The following TBC1D5 variants were observed in gnomAD, a reference collection of about 807,000 sequenced individuals.
The protein encoded by TBC1D5 is TBC1 domain family, member 5.
TBC1D5 carries 75 observed loss-of-function variants against 100.3 expected under a neutral mutation model. The ratio of observed to expected loss-of-function variants is 0.75; its 90% CI spans 0.62 to 0.91. TBC1D5 has a LOEUF of 0.91. TBC1D5 is among the 40% of genes least tolerant of loss of function. The pLI, the probability that TBC1D5 is intolerant of heterozygous loss-of-function variation, is 0.00. For missense variants in TBC1D5, 910 were observed against 942.4 expected, an observed-to-expected ratio of 0.97 and a Z score of 0.45; for synonymous variants, 323 against 325.6, an observed-to-expected ratio of 0.99 and a Z score of 0.09.
At chr3:17,316,620 C>T (rs2084733728) in intron 13 of TBC1D5, among the ~76,000 whole-genome samples, 1 of 152,174 alleles carries the variant, frequency 6.6e-6, no homozygotes, top group African/African-American at 2.4e-5. Flanking sequence ...AAGTATCGTT[C>T]TTGCATTTTA....
At chr3:17,591,257 A>AAAAAAAAAAC (rs1477524607) in intron 2 of TBC1D5, among the ~76,000 whole-genome samples, 1 of 121,422 alleles carries the variant, frequency 8.2e-6, no homozygotes, top group Non-Finnish European at 1.8e-5. Context: ...AAAAAAAAAA[A>AAAAAAAAAAC]AAAAAAAAAC....
chr3:17,691,958 G>A (rs546905722), intron 1 of TBC1D5, among the ~76,000 whole-genome samples: 35 of 148,960 alleles, frequency 2.3e-4, no homozygotes, highest in Non-Finnish European at 3.9e-4. Context: ...CACAACAAAA[G>A]AGAGCCATCA....
chr3:17,218,267 C>G (rs959525778), intron 17 of TBC1D5, among the ~76,000 whole-genome samples: 4 of 151,844 alleles, frequency 2.6e-5, no homozygotes, highest in Non-Finnish European at 5.9e-5. Context: ...CATGTGAGTT[C>G]TCCAGCTTTG....
At chr3:17,281,211 G>A (rs2080555758) in intron 15 of TBC1D5, among the ~76,000 whole-genome samples, 1 of 152,216 alleles carries the variant, frequency 6.6e-6, no homozygotes, top group Non-Finnish European at 1.5e-5. Flanking sequence ...GTTCCACGAT[G>A]CTACTGATAC....
chr3:17,412,611 A>T lies in TBC1D5; in HGVS notation c.168-6085T>A, dbSNP rs1423791989. Among the ~76,000 whole-genome samples the T allele has an allele frequency of 2.0e-5, 3 of 152,190 alleles. No individual in the cohort carries two copies. In the East Asian group the frequency reaches 5.8e-4, roughly 29 times the overall value. Reference sequence around the variant, plus strand: ...GTTGCTAAACTTATTCTTACATAAAAAAATATACTTACAATGTGCCTGAAA... The same window carrying T: ...GTTGCTAAACTTATTCTTACATAAATAAATATACTTACAATGTGCCTGAAA... On this transcript the variant is annotated intron_variant, in intron 4 of 21. Coordinates refer to ENST00000253692, the Ensembl canonical transcript of TBC1D5.
chr3:17,667,917 TTAA>T (rs1245701578), intron 1 of TBC1D5, among the ~76,000 whole-genome samples: 2 of 151,806 alleles, frequency 1.3e-5, no homozygotes, highest in Non-Finnish European at 1.5e-5. Flanking sequence ...CCAGGAATAT[TTAA>T]TTTGTATTTT....
At position 17,307,985 on chromosome 3, in the gene TBC1D5, T is replaced by C; in HGVS notation, c.1138+7A>G. ...AGTCAAATGTAGGAAAGGTCATTAA[T>C]ACTTACAAGCATCTCGGATGTAAAG... On this transcript the variant is annotated splice_region_variant and intron_variant, in intron 14 of 21. Transcript: ENST00000253692. 1 of 1,600,526 alleles carries C rather than the reference T, an allele frequency of 6.2e-7. No individual in the cohort carries two copies.
At chr3:17,271,702 T>G (rs2079442240) in intron 15 of TBC1D5, among the ~76,000 whole-genome samples, 1 of 152,166 alleles carries the variant, frequency 6.6e-6, no homozygotes, top group Admixed American at 6.6e-5. Context: ...GGGGAATGCT[T>G]CTAGCTTTTG....
intron 1 of TBC1D5, among the ~76,000 whole-genome samples, chr3:17,666,664 T>C (rs1172734383): frequency 6.6e-6 from 1 of 152,172 alleles, no homozygotes; most frequent in African/African-American, 2.4e-5. Flanking sequence ...GGAAGAATTG[T>C]TGCTCCATAA....
chr3:17,408,197 A>G (rs1423444856), intron 4 of TBC1D5, among the ~76,000 whole-genome samples: 5 of 151,686 alleles, frequency 3.3e-5, no homozygotes, highest in Admixed American at 1.3e-4. Flanking sequence ...AAAATGGAGT[A>G]ATAACAATCT....
chr3:17,226,416 C>T (rs1010447854), intron 17 of TBC1D5, among the ~76,000 whole-genome samples: 1 of 151,712 alleles, frequency 6.6e-6, no homozygotes, highest in Non-Finnish European at 1.5e-5. Context: ...TGCTGTAGGG[C>T]CCTGCCCAAT....
chr3:17,308,396 A>G lies in TBC1D5; in HGVS notation c.996-262T>C, dbSNP rs576711526. Among the ~76,000 whole-genome samples the G allele has an allele frequency of 2.0e-5, 3 of 152,284 alleles. No individual in the cohort carries two copies. In the South Asian group the frequency reaches 6.2e-4, roughly 32 times the overall value. The stretch of plus-strand genomic sequence containing the variant: ...AAAGTCAAAATCTTTCATATTTAAT[A>G]GAAATCACAAATTCCCAAAAGGTGA... On this transcript the variant is annotated intron_variant, in intron 13 of 21. Transcript: ENST00000253692.
chr3:17,336,530 G>A (rs2087832710), intron 13 of TBC1D5, among the ~76,000 whole-genome samples: 1 of 152,024 alleles, frequency 6.6e-6, no homozygotes, highest in African/African-American at 2.4e-5. Flanking sequence ...ATTCAAAGTT[G>A]TAAAATGGCT....
At chr3:17,453,419 CAA>C (rs2094975833) in intron 3 of TBC1D5, among the ~76,000 whole-genome samples, 1 of 151,298 alleles carries the variant, frequency 6.6e-6, no homozygotes, top group Admixed American at 6.6e-5. Flanking sequence ...GCCATACTAA[CAA>C]AGAAAAATAA....
intron 2 of TBC1D5, among the ~76,000 whole-genome samples, chr3:17,578,528 G>T (rs1164215338): frequency 6.6e-6 from 1 of 151,994 alleles, no homozygotes; most frequent in African/African-American, 2.4e-5. Flanking sequence ...TGGGAAATTA[G>T]ATTAACACAT....
At chr3:17,312,863 G>A (rs1438969533) in intron 13 of TBC1D5, among the ~76,000 whole-genome samples, 1 of 152,144 alleles carries the variant, frequency 6.6e-6, no homozygotes, top group East Asian at 1.9e-4. Flanking sequence ...GATTTAAGAT[G>A]ATCATGAACA....
intron 13 of TBC1D5, among the ~76,000 whole-genome samples, chr3:17,349,864 T>C (rs2090344597): frequency 1.3e-5 from 2 of 152,080 alleles, no homozygotes; most frequent in Admixed American, 1.3e-4. Context: ...AAAATGCATA[T>C]CTCCCTAATG....
At chr3:17,202,182 T>C (rs2071545161) in intron 18 of TBC1D5, among the ~76,000 whole-genome samples, 1 of 152,236 alleles carries the variant, frequency 6.6e-6, no homozygotes, top group Non-Finnish European at 1.5e-5. Context: ...TCACTTTTGT[T>C]ATGCATTAGT....
chr3:17,481,211 G>A (rs13088145), intron 3 of TBC1D5, among the ~76,000 whole-genome samples: 96 of 152,288 alleles, frequency 6.3e-4, no homozygotes, highest in Non-Finnish European at 7.6e-4. Context: ...CATCTGTACC[G>A]GCACCTAGGG....
Sources: gnomAD v4.1 joint callset for allele counts (sites outside exome capture counted in the v4.1 genomes callset) on GRCh38, gnomAD v4.1.1 for gene constraint, MANE v1.5 for transcripts, NCBI Gene and HGNC (gene_info 2026-07-23, HGNC 2026-07-21) for gene names.